Variants in LARGE1 observed in about 807,000 individuals in gnomAD.
The protein encoded by LARGE1 is LARGE xylosyl- and glucuronyltransferase 1.
LARGE1 carries 43 observed loss-of-function variants against 87.6 expected under a neutral mutation model. The ratio of observed to expected loss-of-function variants is 0.49; its 90% CI spans 0.38 to 0.63. The LOEUF (loss-of-function observed/expected upper bound fraction) is 0.63. LARGE1 is among the 30% of genes least tolerant of loss of function. LARGE1 has a pLI of 0.00. For missense variants in LARGE1, 802 were observed against 1,000.2 expected (o/e 0.80, Z 2.67); for synonymous variants, 434 against 394.6 (o/e 1.10, Z -1.18).
chr22:33,696,854 T>C (rs5999066), intron 2 of LARGE1, among the ~76,000 whole-genome samples: 70 of 152,274 alleles, frequency 4.6e-4, no homozygotes, highest in African/African-American at 1.7e-3. Flanking sequence ...ATATTACATA[T>C]GCATAATTTA....
At chr22:33,323,914 A>G (rs181280950) in intron 10 of LARGE1, among the ~76,000 whole-genome samples, 30 of 152,264 alleles carry the variant, frequency 2.0e-4, no homozygotes, top group African/African-American at 7.0e-4. Flanking sequence ...TGTTATCTCA[A>G]TGGGGAGACT....
At chr22:33,268,005 G>C (rs575970589), downstream of LARGE1, among the ~76,000 whole-genome samples, 6 of 151,400 alleles carry the variant, frequency 4.0e-5, no homozygotes, top group South Asian at 1.2e-3. Context: ...GCCCAGGCTG[G>C]AGTTCAGTGG....
At chr22:33,425,064 C>T (rs1346296237) in intron 7 of LARGE1, among the ~76,000 whole-genome samples, 2 of 151,952 alleles carry the variant, frequency 1.3e-5, no homozygotes, top group African/African-American at 4.8e-5. Context: ...GAGTTCAAGA[C>T]CAGCCTGATC....
intron 2 of LARGE1, among the ~76,000 whole-genome samples, chr22:33,714,966 A>T (rs2082866998): frequency 6.6e-6 from 1 of 152,188 alleles, no homozygotes; most frequent in Non-Finnish European, 1.5e-5. Context: ...ACTTGTTGGC[A>T]AGAGGTGGAA....
intron 11 of LARGE1, among the ~76,000 whole-genome samples, chr22:33,169,555 A>AAAATGTCTCAGGACAT (rs1922447773): frequency 6.6e-6 from 1 of 152,150 alleles, no homozygotes; most frequent in Admixed American, 6.6e-5. Context: ...CCAGAGTCAT[A>AAAATGTCTCAGGACAT]AAAATGTCCT....
In LARGE1 at chr22:33,304,800, T is replaced by C. The variant is rs1555007; in HGVS notation, c.1452-293A>G. On this transcript the variant is annotated intron_variant, in intron 11 of 14. Transcript: ENST00000397394. ...CCAGGTGGTGAGTATATTAAATGAT[T>C]TGAAGATCCCCTTCCAGCCCCAAAG... Among the ~76,000 whole-genome samples, 3,500 of 152,274 alleles carry C rather than the reference T, an allele frequency of 0.023. 44 individuals are homozygous for C. The highest frequency in any genetic ancestry group is 0.04 in the African/African-American group (1,663 of 41,544).
At chr22:33,126,393 G>A in the LARGE1 span, among the ~76,000 whole-genome samples, 1 of 152,176 alleles carries the variant, frequency 6.6e-6, no homozygotes, top group Non-Finnish European at 1.5e-5. Context: ...TGGCCACTGA[G>A]GTCACATTTA....
intron 6 of LARGE1, among the ~76,000 whole-genome samples, chr22:33,466,107 C>T (rs5994752): frequency 0.03 from 4,530 of 152,226 alleles, 220 homozygotes; most frequent in African/African-American, 0.1. Context: ...CCCTATACCC[C>T]GGCCATGTTG....
chr22:33,135,879 A>AAATAAAAG, the LARGE1 span, among the ~76,000 whole-genome samples: 1 of 151,836 alleles, frequency 6.6e-6, no homozygotes, highest in Non-Finnish European at 1.5e-5. Flanking sequence ...AAATAAAATA[A>AAATAAAAG]AAGTGAGAAG....
chr22:33,123,632 C>T, the LARGE1 span, among the ~76,000 whole-genome samples: 12 of 152,182 alleles, frequency 7.9e-5, no homozygotes, highest in South Asian at 2.1e-4. Flanking sequence ...AGTAGAATGA[C>T]GAGAGTGAAT....
At chr22:33,451,944 T>C (rs895519190) in intron 6 of LARGE1, among the ~76,000 whole-genome samples, 5 of 152,226 alleles carry the variant, frequency 3.3e-5, no homozygotes, top group Non-Finnish European at 7.3e-5. Flanking sequence ...TTTCCACTCT[T>C]GAGTTACTTC....
the LARGE1 span, among the ~76,000 whole-genome samples, chr22:33,086,549 CTT>C: frequency 9.8e-4 from 106 of 108,422 alleles, no homozygotes; most frequent in Middle Eastern, 0.012. Context: ...AGTTCTTCTA[CTT>C]TTTTTTTTTT....
At chr22:33,766,379 T>G (rs867116732) in intron 1 of LARGE1, among the ~76,000 whole-genome samples, 8 of 152,278 alleles carry the variant, frequency 5.3e-5, no homozygotes, top group Non-Finnish European at 1.0e-4. Flanking sequence ...ACCAATGAAA[T>G]TTACATTTAT....
chr22:33,641,200 C>A (rs1246875518), intron 3 of LARGE1, among the ~76,000 whole-genome samples: 2 of 152,174 alleles, frequency 1.3e-5, no homozygotes, highest in Admixed American at 1.3e-4. Context: ...GAGGAAGGAG[C>A]AGGCAGCAAT....
rs1286660678 is a variant in LARGE1 at position 33,273,617 on chromosome 22, T to C, written c.*810A>G. 1.0e-5 allele frequency: 4 copies of C among 398,690 alleles called. No homozygotes were observed. The highest frequency in any genetic ancestry group is 8.2e-5 in the African/African-American group (4 of 48,624). 24.7% of individuals were successfully genotyped at this position (398,690 alleles called of 1,614,324 possible). ...ATTCTGGAGAGTAGGGAGTTCAAAG[T>C]CACGGGAGCCTCGGTGATCATCCTG... On this transcript the variant is annotated 3_prime_UTR_variant, in exon 15 of 15. Coordinates refer to ENST00000397394, the MANE Select transcript of LARGE1 (RefSeq NM_133642.5).
intron 1 of LARGE1, among the ~76,000 whole-genome samples, chr22:33,807,033 A>G (rs1051496117): frequency 2.0e-5 from 3 of 152,120 alleles, no homozygotes; most frequent in Admixed American, 6.5e-5. Flanking sequence ...TCTTCCTTGC[A>G]ATTTCAAACC....
At chr22:33,718,080 T>A (rs2149428222) in intron 2 of LARGE1, among the ~76,000 whole-genome samples, 1 of 152,340 alleles carries the variant, frequency 6.6e-6, no homozygotes, top group South Asian at 2.1e-4. Flanking sequence ...CCTTTCCATG[T>A]GGTTGCAGAA....
At chr22:33,553,559 C>T (rs553119081) in intron 6 of LARGE1, among the ~76,000 whole-genome samples, 64 of 152,206 alleles carry the variant, frequency 4.2e-4, no homozygotes, top group African/African-American at 1.5e-3. Flanking sequence ...ATATTAATAA[C>T]AGCAGAAGCT....
chr22:33,192,369 G>A (rs1215122965), intron 11 of LARGE1, among the ~76,000 whole-genome samples: 1 of 152,130 alleles, frequency 6.6e-6, no homozygotes, highest in Non-Finnish European at 1.5e-5. Context: ...ACCATCCCAG[G>A]TGTGAGGTGG....
Sources: gnomAD v4.1 joint callset for allele counts (sites outside exome capture counted in the v4.1 genomes callset) on GRCh38, gnomAD v4.1.1 for gene constraint, MANE v1.5 for transcripts, NCBI Gene and HGNC (gene_info 2026-07-23, HGNC 2026-07-21) for gene names.